KCNJ6: variants seen among roughly 807,000 people sequenced by gnomAD.
The protein encoded by KCNJ6 is potassium inwardly rectifying channel subfamily J member 6, also known as G protein-activated inward rectifier potassium channel 2.
A neutral mutation model predicts 34.2 loss-of-function variants in KCNJ6; 9 were observed. The ratio of observed to expected loss-of-function variants is 0.26; its 90% CI spans 0.16 to 0.46. KCNJ6 has a LOEUF of 0.46. Ranked by LOEUF, KCNJ6 falls within the 20% of genes least tolerant of loss-of-function variation. KCNJ6 has a pLI of 1.00. For missense variants in KCNJ6, 236 were observed against 531.3 expected (o/e 0.44, Z 5.46); for synonymous variants, 196 against 207.1 (o/e 0.95, Z 0.46).
chr21:37,791,193 T>C (rs959712954), intron 2 of KCNJ6, among the ~76,000 whole-genome samples: 3 of 152,200 alleles, frequency 2.0e-5, no homozygotes, highest in Admixed American at 2.0e-4. Context: ...TCCAGCTCCT[T>C]CTCTCTCCTC....
chr21:37,676,588 T>C (rs768691584), intron 3 of KCNJ6, among the ~76,000 whole-genome samples: 49 of 152,308 alleles, frequency 3.2e-4, no homozygotes, highest in Non-Finnish European at 5.1e-4. Flanking sequence ...CACTTCTGGC[T>C]GTGCACAGGG....
intron 2 of KCNJ6, among the ~76,000 whole-genome samples, chr21:37,790,189 T>C (rs1201977955): frequency 1.3e-5 from 2 of 152,206 alleles, no homozygotes; most frequent in Admixed American, 1.3e-4. Context: ...GCATCAATCT[T>C]AGTGCTTTTT....
chr21:37,639,933 G>T (rs2054373789), intron 3 of KCNJ6, among the ~76,000 whole-genome samples: 1 of 152,090 alleles, frequency 6.6e-6, no homozygotes, highest in East Asian at 1.9e-4. Context: ...GTTTCCTGGG[G>T]CTTCCCCAGA....
At chr21:37,753,609 TAGC>T (rs2055008169) in intron 2 of KCNJ6, among the ~76,000 whole-genome samples, 1 of 152,228 alleles carries the variant, frequency 6.6e-6, no homozygotes, top group African/African-American at 2.4e-5. Flanking sequence ...AGTCTGGAGA[TAGC>T]AGGTCAACAT....
At chr21:37,750,014 A>G (rs1158763389) in intron 2 of KCNJ6, among the ~76,000 whole-genome samples, 3 of 152,210 alleles carry the variant, frequency 2.0e-5, no homozygotes, top group African/African-American at 7.2e-5. Flanking sequence ...TATCTGCAGG[A>G]TAAAACATTT....
rs1386241321 is a variant in KCNJ6 at position 37,614,160 on chromosome 21, G to A, written c.*10999C>T. 6.6e-6 allele frequency: 1 copy of A among 152,142 alleles called. No individual in the cohort carries two copies. The highest frequency in any genetic ancestry group is 1.5e-5 in the Non-Finnish European group (1 of 68,032). 9.4% of individuals were successfully genotyped at this position (152,142 alleles called of 1,614,324 possible). A position where few individuals can be genotyped will look rare whatever the true frequency, so the allele number is the denominator to read the frequency against. Reference sequence around the variant, plus strand: ...ACCCAGGACGACATTGCTCATCTGGGGGCAAAACCTGGTCTTCTGAATCCA... The same window carrying A: ...ACCCAGGACGACATTGCTCATCTGGAGGCAAAACCTGGTCTTCTGAATCCA... On this transcript the variant is annotated 3_prime_UTR_variant, in exon 4 of 4. Transcript: ENST00000609713.
At chr21:37,703,973 C>T (rs2054705434) in intron 3 of KCNJ6, among the ~76,000 whole-genome samples, 1 of 152,240 alleles carries the variant, frequency 6.6e-6, no homozygotes, top group African/African-American at 2.4e-5. Context: ...CCCCGCCTTG[C>T]CCTGCTGGGC....
At chr21:37,826,847 C>A (rs2055401446) in intron 2 of KCNJ6, among the ~76,000 whole-genome samples, 2 of 152,110 alleles carry the variant, frequency 1.3e-5, no homozygotes, top group Non-Finnish European at 2.9e-5. Context: ...GGGGAACACA[C>A]ACAAGCAGAG....
intron 2 of KCNJ6, among the ~76,000 whole-genome samples, chr21:37,776,518 G>A (rs1226173073): frequency 4.6e-5 from 7 of 152,046 alleles, no homozygotes; most frequent in African/African-American, 1.4e-4. Context: ...TTTGAGATAC[G>A]TCCCATCAAT....
intron 1 of KCNJ6, among the ~76,000 whole-genome samples, chr21:37,853,125 T>C (rs1277634671): frequency 6.8e-6 from 1 of 147,772 alleles, no homozygotes; most frequent in Non-Finnish European, 1.5e-5. Flanking sequence ...AAGGGAATAA[T>C]GGCTGCAATT....
Position 37,750,263 on chromosome 21 carries a change from G to A in KCNJ6, c.26-35132C>T, listed in dbSNP as rs182179644. On this transcript the variant is annotated intron_variant, in intron 2 of 3. Transcript: ENST00000609713. ...GGAGAGGATGTGGAGAAACAGGAAC[G>A]CTTTTACACTGTTGGTGGCAGTGTA... Among the ~76,000 whole-genome samples, 1,070 of 152,266 alleles carry A rather than the reference G, an allele frequency of 7.0e-3. 8 individuals carry two copies. The highest frequency in any genetic ancestry group is 0.024 in the African/African-American group (1,008 of 41,548).
At chr21:37,683,854 C>T (rs1787411) in intron 3 of KCNJ6, among the ~76,000 whole-genome samples, 134,296 of 152,110 alleles carry the variant, frequency 0.88, 60,050 homozygotes, top group Non-Finnish European at 0.95. Flanking sequence ...CCTTCTGCAG[C>T]GGGGGTGAGC....
At chr21:37,886,545 A>G (rs1329513005) in intron 1 of KCNJ6, among the ~76,000 whole-genome samples, 1 of 152,244 alleles carries the variant, frequency 6.6e-6, no homozygotes, top group Non-Finnish European at 1.5e-5. Context: ...CATGATTAAT[A>G]TACTCTAAAA....
intron 2 of KCNJ6, among the ~76,000 whole-genome samples, chr21:37,781,907 A>C (rs79071772): frequency 0.015 from 2,322 of 152,234 alleles, 57 homozygotes; most frequent in African/African-American, 0.054. Flanking sequence ...AGGTAGGGTG[A>C]ATAATGTCCT....
intron 3 of KCNJ6, among the ~76,000 whole-genome samples, chr21:37,693,595 G>A (rs1052936737): frequency 1.3e-5 from 2 of 152,162 alleles, no homozygotes; most frequent in Admixed American, 6.5e-5. Context: ...GGCAGGAAGA[G>A]AGGTGGGAGG....
intron 1 of KCNJ6, among the ~76,000 whole-genome samples, chr21:37,894,331 G>A (rs933176713): frequency 6.6e-6 from 1 of 152,212 alleles, no homozygotes; most frequent in Non-Finnish European, 1.5e-5. Flanking sequence ...GATAACTGCT[G>A]TGCACATTGA....
Position 37,614,735 on chromosome 21 carries a change from TGC to T in KCNJ6, c.*10422_*10423del, listed in dbSNP as rs1324914897. 1 of 145,306 alleles carries T rather than the reference TGC, an allele frequency of 6.9e-6. No homozygotes were observed. The highest frequency in any genetic ancestry group is 1.6e-5 in the Non-Finnish European group (1 of 64,500). The allele number at this position is 145,306 out of a possible 1,614,324, so 9.0% of individuals were successfully genotyped here. A position where few individuals can be genotyped will look rare whatever the true frequency, so the allele number is the denominator to read the frequency against. On this transcript the variant is annotated 3_prime_UTR_variant, in exon 4 of 4. Coordinates refer to ENST00000609713, the MANE Select transcript of KCNJ6 (RefSeq NM_002240.5). The stretch of plus-strand genomic sequence containing the variant: ...ATGTGCATGTATGCGTGTGTGTGTA[TGC>T]GCATGTCTCTGTATGTGTGTGTATG...
At chr21:37,654,039 A>G (rs921095156) in intron 3 of KCNJ6, among the ~76,000 whole-genome samples, 1 of 151,772 alleles carries the variant, frequency 6.6e-6, no homozygotes, top group Non-Finnish European at 1.5e-5. Context: ...TAGGAATTTT[A>G]TAAAGGCTGC....
At chr21:37,904,509 G>A (rs917479336) in intron 1 of KCNJ6, among the ~76,000 whole-genome samples, 1 of 151,844 alleles carries the variant, frequency 6.6e-6, no homozygotes, top group African/African-American at 2.4e-5. Flanking sequence ...CACTTACTTA[G>A]AAGTTCTATA....
Sources: allele counts gnomAD v4.1 joint callset (sites outside exome capture counted in the v4.1 genomes callset), GRCh38; gene constraint gnomAD v4.1.1; transcripts MANE v1.5; gene names NCBI Gene and HGNC (gene_info 2026-07-23, HGNC 2026-07-21).